Variants in CSNK1G3 observed in about 807,000 individuals in gnomAD.
The protein encoded by CSNK1G3 is casein kinase I isoform gamma-3.
In CSNK1G3, 23 loss-of-function variants were observed where a neutral mutation model predicts 64.3. That is an observed-to-expected ratio of 0.36 (90% CI 0.26 to 0.51). The LOEUF (loss-of-function observed/expected upper bound fraction) is 0.51, where lower values mean the gene tolerates loss of function less well. Among genes scored for constraint, CSNK1G3 ranks in the 20% least tolerant of loss-of-function variants. The probability of loss-of-function intolerance (pLI) is 0.96; values close to 1 mark genes in which losing one functional copy is unlikely to be tolerated. For synonymous variants in CSNK1G3, 158 were observed against 162.2 expected (o/e 0.97, Z 0.20); for missense variants, 357 against 510.5 (o/e 0.70, Z 2.90).
At chr5:123,533,009 A>G (rs1000467128) in intron 1 of CSNK1G3, among the ~76,000 whole-genome samples, 5 of 151,846 alleles carry the variant, frequency 3.3e-5, no homozygotes, top group Non-Finnish European at 5.9e-5. Context: ...TTATCTTTTA[A>G]TTCTCCACTA....
intron 1 of CSNK1G3, among the ~76,000 whole-genome samples, chr5:123,525,612 T>C (rs1778914344): frequency 6.6e-6 from 1 of 152,068 alleles, no homozygotes; most frequent in Admixed American, 6.5e-5. Flanking sequence ...TTGTTACAGT[T>C]GTATGAGACA....
At chr5:123,573,421 C>T (rs751140428) in exon 5 of CSNK1G3, 1 of 1,613,928 alleles carries the variant, frequency 6.2e-7, no homozygotes, top group Non-Finnish European at 8.5e-7. Context: ...ACTATTTCGG[C>T]CCTTGTGGTA....
At chr5:123,521,377 A>G (rs956039377) in intron 1 of CSNK1G3, among the ~76,000 whole-genome samples, 1 of 152,152 alleles carries the variant, frequency 6.6e-6, no homozygotes, top group Non-Finnish European at 1.5e-5. Flanking sequence ...GTGTCTTTAT[A>G]TAATTGAGAT....
chr5:123,534,872 G>A (rs1000173273), intron 1 of CSNK1G3, among the ~76,000 whole-genome samples: 1 of 152,088 alleles, frequency 6.6e-6, no homozygotes, highest in African/African-American at 2.4e-5. Context: ...CACAGTAATA[G>A]AAAACTAATA....
At chr5:123,543,254 A>G (rs1781980504) in intron 1 of CSNK1G3, among the ~76,000 whole-genome samples, 1 of 152,130 alleles carries the variant, frequency 6.6e-6, no homozygotes, top group African/African-American at 2.4e-5. Flanking sequence ...CAGTTGGGAC[A>G]GTCTAGAGTA....
intron 1 of CSNK1G3, among the ~76,000 whole-genome samples, chr5:123,542,995 C>T (rs530954526): frequency 4.1e-4 from 62 of 150,986 alleles, no homozygotes; most frequent in Admixed American, 2.6e-3. Context: ...GTGTTAAAGT[C>T]GTATCTTCTA....
At chr5:123,597,066 A>T (rs746700933) in intron 10 of CSNK1G3, among the ~76,000 whole-genome samples, 1 of 152,170 alleles carries the variant, frequency 6.6e-6, no homozygotes, top group Non-Finnish European at 1.5e-5. Flanking sequence ...ATTATAATTG[A>T]ATACTATATT....
At chr5:123,515,346 A>T (rs971429902) in intron 1 of CSNK1G3, among the ~76,000 whole-genome samples, 12 of 152,220 alleles carry the variant, frequency 7.9e-5, no homozygotes, top group Admixed American at 7.8e-4. Flanking sequence ...AAATAGAAGG[A>T]ATGCTGAAGT....
chr5:123,572,301 A>G (rs1347455605), intron 4 of CSNK1G3, among the ~76,000 whole-genome samples: 1 of 152,148 alleles, frequency 6.6e-6, no homozygotes, highest in Non-Finnish European at 1.5e-5. Context: ...TAAATTGATC[A>G]CTTACATTTC....
At chr5:123,568,574 A>T (rs998089197) in intron 4 of CSNK1G3, among the ~76,000 whole-genome samples, 2 of 152,190 alleles carry the variant, frequency 1.3e-5, no homozygotes, top group Non-Finnish European at 2.9e-5. Flanking sequence ...GACCATAGAA[A>T]GGTCGACGTT....
chr5:123,611,245 C>T (rs891383881), intron 12 of CSNK1G3, among the ~76,000 whole-genome samples: 7 of 152,092 alleles, frequency 4.6e-5, no homozygotes, highest in African/African-American at 1.7e-4. Context: ...ATTTTGAGAA[C>T]CTCTCTCTTG....
chr5:123,552,460 C>G (rs963543305), intron 2 of CSNK1G3, among the ~76,000 whole-genome samples: 3 of 152,068 alleles, frequency 2.0e-5, no homozygotes, highest in Non-Finnish European at 4.4e-5. Context: ...TTCTTCTGCT[C>G]AGAATATCCT....
intron 10 of CSNK1G3, among the ~76,000 whole-genome samples, chr5:123,602,817 T>C (rs144046541): frequency 1.3e-5 from 2 of 152,090 alleles, no homozygotes; most frequent in African/African-American, 4.8e-5. Flanking sequence ...TCATTATAGA[T>C]AAAACATAGT....
chr5:123,591,965 G>A (rs187211964), intron 10 of CSNK1G3, among the ~76,000 whole-genome samples: 1 of 152,168 alleles, frequency 6.6e-6, no homozygotes, highest in East Asian at 1.9e-4. Context: ...TGGAAATAAT[G>A]CATGTTAATT....
chr5:123,547,128 A>G (rs919749062), intron 2 of CSNK1G3, among the ~76,000 whole-genome samples: 5 of 152,164 alleles, frequency 3.3e-5, no homozygotes, highest in Non-Finnish European at 7.4e-5. Context: ...ATCATGTACC[A>G]GGCATGATTA....
intron 5 of CSNK1G3, among the ~76,000 whole-genome samples, chr5:123,574,119 G>T (rs929873553): frequency 1.3e-5 from 2 of 152,126 alleles, no homozygotes; most frequent in Non-Finnish European, 2.9e-5. Context: ...AAAGTTCTGG[G>T]ATTACAGGCG....
chr5:123,513,573 CTTATTT>C (rs1482542010), intron 1 of CSNK1G3, among the ~76,000 whole-genome samples: 2 of 152,004 alleles, frequency 1.3e-5, no homozygotes, highest in African/African-American at 4.8e-5. Flanking sequence ...TAAAAATGTA[CTTATTT>C]TTAATGAATT....
intron 3 of CSNK1G3, among the ~76,000 whole-genome samples, chr5:123,556,413 A>G (rs1410555009): frequency 2.0e-5 from 3 of 152,072 alleles, no homozygotes; most frequent in African/African-American, 7.2e-5. Context: ...ACTGTTATCA[A>G]ATCCATACTA....
intron 1 of CSNK1G3, among the ~76,000 whole-genome samples, chr5:123,542,976 T>A (rs2150231008): frequency 6.6e-6 from 1 of 151,786 alleles, no homozygotes; most frequent in African/African-American, 2.4e-5. Context: ...CTCTAACAGC[T>A]ATTTACTAGT....
Sources: allele counts gnomAD v4.1 joint callset (sites outside exome capture counted in the v4.1 genomes callset), GRCh38; gene constraint gnomAD v4.1.1; transcripts MANE v1.5; gene names NCBI Gene and HGNC (gene_info 2026-07-23, HGNC 2026-07-21).